The following ERBIN variants were observed in gnomAD, a reference collection of about 807,000 sequenced individuals.
The protein encoded by ERBIN is densin-180-like protein.
ERBIN carries 60 observed loss-of-function variants against 158.4 expected under a neutral mutation model. That is an observed-to-expected ratio of 0.38 (90% CI 0.31 to 0.47). The LOEUF (loss-of-function observed/expected upper bound fraction) is 0.47. ERBIN is among the 20% of genes least tolerant of loss of function. ERBIN has a pLI of 0.99. For synonymous variants in ERBIN, 594 were observed against 557.2 expected (o/e 1.07, Z -0.93); for missense variants, 1,610 against 1,648.0 (o/e 0.98, Z 0.40).
chr5:65,969,466 T>C (rs923621614), intron 1 of ERBIN, among the ~76,000 whole-genome samples: 1 of 152,240 alleles, frequency 6.6e-6, no homozygotes, highest in African/African-American at 2.4e-5. Context: ...CCCTTTGTTT[T>C]TTAACATAAA....
intron 3 of ERBIN, among the ~76,000 whole-genome samples, chr5:65,993,362 C>CA (rs1752084566): frequency 2.0e-5 from 3 of 152,098 alleles, no homozygotes; most frequent in Admixed American, 2.0e-4. Context: ...TTGTTTTCCT[C>CA]CATTTACAAT....
chr5:65,989,199 C>T (rs918283458), intron 2 of ERBIN, among the ~76,000 whole-genome samples: 1 of 152,136 alleles, frequency 6.6e-6, no homozygotes, highest in East Asian at 1.9e-4. Context: ...TGGATTATTT[C>T]CTTGTGTTAT....
intron 14 of ERBIN, among the ~76,000 whole-genome samples, chr5:66,036,984 C>T (rs1757458822): frequency 6.6e-6 from 1 of 152,090 alleles, no homozygotes; most frequent in South Asian, 2.1e-4. Flanking sequence ...CAGTGAACCC[C>T]TTTTAAAGGA....
intron 21 of ERBIN, among the ~76,000 whole-genome samples, chr5:66,070,416 G>T (rs189795300): frequency 6.6e-6 from 1 of 152,274 alleles, no homozygotes; most frequent in East Asian, 1.9e-4. Flanking sequence ...GTCCCTGGGG[G>T]TAAAGATCAG....
At chr5:65,931,084 T>C in intron 1 of ERBIN, among the ~76,000 whole-genome samples, 1 of 152,216 alleles carries the variant, frequency 6.6e-6, no homozygotes, top group East Asian at 1.9e-4. Context: ...AATAAGACTC[T>C]ACTTATCTGG....
intron 21 of ERBIN, among the ~76,000 whole-genome samples, chr5:66,067,068 A>G (rs949577713): frequency 6.6e-6 from 1 of 152,292 alleles, no homozygotes; most frequent in South Asian, 2.1e-4. Flanking sequence ...TGTGTCTGTT[A>G]TTTATGTATG....
chr5:66,036,618 AT>A (rs1175463575), intron 14 of ERBIN, among the ~76,000 whole-genome samples: 2 of 152,088 alleles, frequency 1.3e-5, no homozygotes, highest in Non-Finnish European at 2.9e-5. Flanking sequence ...GCAGTTGCCT[AT>A]TTTGTTACCT....
chr5:65,977,171 CG>C (rs1750002352), intron 1 of ERBIN, among the ~76,000 whole-genome samples: 1 of 141,900 alleles, frequency 7.0e-6, no homozygotes, highest in Non-Finnish European at 1.5e-5. Flanking sequence ...CCCTCCCGGA[CG>C]GGGCGGCTGG....
chr5:66,070,481 T>G (rs1336238610), intron 21 of ERBIN, among the ~76,000 whole-genome samples: 2 of 152,034 alleles, frequency 1.3e-5, no homozygotes, highest in African/African-American at 2.4e-5. Context: ...CTGGAGCAAT[T>G]GTATTTTCCA....
At chr5:65,967,421 T>C (rs1047377548) in intron 1 of ERBIN, among the ~76,000 whole-genome samples, 25 of 152,162 alleles carry the variant, frequency 1.6e-4, no homozygotes, top group African/African-American at 6.0e-4. Flanking sequence ...ATACCATATT[T>C]TTGCTGCACT....
rs1246756831 is a variant in ERBIN at position 66,023,483 on chromosome 5, A to G, written c.672+119A>G. On this transcript the variant is annotated intron_variant, in intron 9 of 25. Coordinates refer to ENST00000284037, the MANE Select transcript of ERBIN (RefSeq NM_001253697.2). ...AAAAAATTGAATTATTCTTTATTAA[A>G]CAGAAGCAAATTACTTTTTTTCATG... 1.1e-5 allele frequency: 6 copies of G among 557,856 alleles called. No homozygotes were observed. In the Admixed American group the frequency reaches 2.1e-4, roughly 19 times the overall value. 34.6% of individuals were successfully genotyped at this position (557,856 alleles called of 1,614,324 possible).
Position 66,078,503 on chromosome 5 carries a change from C to T in ERBIN, c.4212C>T (p.Leu1404=), listed in dbSNP as rs1409382892. The T allele has an allele frequency of 1.9e-6, 3 of 1,606,286 alleles. No homozygotes were observed. The highest frequency in any genetic ancestry group is 2.2e-5 in the East Asian group (1 of 44,574). The change falls in exon 26 of 26, where the codon CTC becomes CTT. Residue 1404 remains leucine, a synonymous_variant. Transcript: ENST00000284037. ...LLKTFQNTVE[L]IIVREVSS is the part of the protein sequence containing the mutation. ...AAACTTTCCAGAATACAGTTGAACT[C>T]ATCATTGTACGAGAAGTTTCCTCAT...
At chr5:65,967,393 G>GT (rs374877007) in intron 1 of ERBIN, among the ~76,000 whole-genome samples, 411 of 148,924 alleles carry the variant, frequency 2.8e-3, no homozygotes, top group Non-Finnish European at 4.5e-3. Context: ...AGGTGTACTA[G>GT]TTTTTTTTTT....
At position 66,076,746 on chromosome 5, in the gene ERBIN, C is replaced by T; in HGVS notation, c.4057-129C>T. The T allele has an allele frequency of 1.7e-5, 12 of 705,236 alleles. No individual in the cohort carries two copies. In the South Asian group the frequency reaches 2.0e-4, roughly 12 times the overall value. The allele number at this position is 705,236 out of a possible 1,614,324, so 43.7% of individuals were successfully genotyped here. A position where few individuals can be genotyped will look rare whatever the true frequency, so the allele number is the denominator to read the frequency against. On this transcript the variant is annotated intron_variant, in intron 24 of 25. Transcript: ENST00000284037. ...ATAACTAGTTTGTTACAGTATTACT[C>T]AGAGAAGTCAGGGAGAAAACTTGTA... is the stretch of plus-strand genomic sequence containing the variant.
intron 14 of ERBIN, among the ~76,000 whole-genome samples, chr5:66,033,396 T>C (rs1320505564): frequency 6.6e-6 from 1 of 152,150 alleles, no homozygotes; most frequent in Non-Finnish European, 1.5e-5. Context: ...TAAATGGCAG[T>C]AGACTAAGAG....
intron 1 of ERBIN, among the ~76,000 whole-genome samples, chr5:65,931,649 A>G (rs1743393794): frequency 6.6e-6 from 1 of 152,170 alleles, no homozygotes; most frequent in Non-Finnish European, 1.5e-5. Flanking sequence ...AATGTTTTAT[A>G]TTTTTGCAAG....
At chr5:65,988,212 G>C (rs975351228) in intron 1 of ERBIN, among the ~76,000 whole-genome samples, 1 of 140,612 alleles carries the variant, frequency 7.1e-6, no homozygotes, top group African/African-American at 3.3e-5. Flanking sequence ...CTCTAAAAAA[G>C]TTTTTTTAAA....
intron 1 of ERBIN, among the ~76,000 whole-genome samples, chr5:65,936,456 C>T (rs560263284): frequency 6.6e-6 from 1 of 152,188 alleles, no homozygotes; most frequent in Admixed American, 6.5e-5. Context: ...ATGCTGACTG[C>T]AAAATAGCAG....
intron 1 of ERBIN, among the ~76,000 whole-genome samples, chr5:65,973,378 T>G (rs992693594): frequency 6.6e-6 from 1 of 150,758 alleles, no homozygotes; most frequent in African/African-American, 2.5e-5. Flanking sequence ...GTTGGGCACA[T>G]GTACCCTAGA....
Sources: allele counts gnomAD v4.1 joint callset (sites outside exome capture counted in the v4.1 genomes callset), GRCh38; gene constraint gnomAD v4.1.1; transcripts MANE v1.5; gene names NCBI Gene and HGNC (gene_info 2026-07-23, HGNC 2026-07-21).